Variants in TTC7B observed in about 807,000 individuals in gnomAD.
The protein encoded by TTC7B is tetratricopeptide repeat domain 7B, also known as tetratricopeptide repeat protein 7B.
In TTC7B, 28 loss-of-function variants were observed where a neutral mutation model predicts 106.8. The observed-to-expected ratio is 0.26, with a 90% CI of 0.19 to 0.36. The LOEUF is 0.36. Among genes scored for constraint, TTC7B ranks in the 10% least tolerant of loss-of-function variants. TTC7B has a pLI of 1.00. For missense variants in TTC7B, 862 were observed against 1,076.4 expected (o/e 0.80, Z 2.79); for synonymous variants, 405 against 430.6 (o/e 0.94, Z 0.74).
Position 90,737,544 on chromosome 14 carries a change from C to T in TTC7B, c.576+7248G>A, listed in dbSNP as rs910098103. Among the ~76,000 whole-genome samples, 24 of 118,790 alleles carry T rather than the reference C, an allele frequency of 2.0e-4. No homozygotes were observed. In the East Asian group the frequency reaches 3.4e-3, roughly 17 times the overall value. 77.9% of individuals were successfully genotyped at this position (118,790 alleles called of 152,430 possible). A position where few individuals can be genotyped will look rare whatever the true frequency, so the allele number is the denominator to read the frequency against. ...ATAAAAGATCATATATTGTATGATT[C>T]TGTTTTTTTTTTTTTTTTTTTTTTT... On this transcript the variant is annotated intron_variant, in intron 4 of 19. Coordinates refer to ENST00000328459, the MANE Select transcript of TTC7B (RefSeq NM_001010854.2).
intron 19 of TTC7B, among the ~76,000 whole-genome samples, chr14:90,571,006 G>A (rs985149107): frequency 3.3e-5 from 5 of 152,104 alleles, no homozygotes; most frequent in African/African-American, 9.7e-5. Context: ...GTTCCTAAGG[G>A]ACCACACCAA....
intron 7 of TTC7B, among the ~76,000 whole-genome samples, chr14:90,683,443 A>C (rs1887133641): frequency 6.6e-6 from 1 of 152,216 alleles, no homozygotes; most frequent in African/African-American, 2.4e-5. Context: ...ACTGTCTGCA[A>C]ACATGCCAAG....
At chr14:90,635,070 T>C (rs1884873592) in intron 15 of TTC7B, among the ~76,000 whole-genome samples, 1 of 152,206 alleles carries the variant, frequency 6.6e-6, no homozygotes, top group East Asian at 1.9e-4. Context: ...CCTTTTGTCA[T>C]TGAGGAGTCA....
chr14:90,662,144 C>T (rs900912647), intron 9 of TTC7B, among the ~76,000 whole-genome samples: 3 of 152,166 alleles, frequency 2.0e-5, no homozygotes, highest in South Asian at 2.1e-4. Flanking sequence ...GCAGGGGGGA[C>T]GAGCAGGCAC....
intron 8 of TTC7B, among the ~76,000 whole-genome samples, chr14:90,679,825 A>AC (rs1342794335): frequency 6.6e-6 from 1 of 152,226 alleles, no homozygotes; most frequent in African/African-American, 2.4e-5. Flanking sequence ...GGTGAAATAG[A>AC]CCTAAAATTC....
At chr14:90,566,554 T>G (rs1200318529) in intron 19 of TTC7B, among the ~76,000 whole-genome samples, 1 of 151,896 alleles carries the variant, frequency 6.6e-6, no homozygotes, top group Non-Finnish European at 1.5e-5. Context: ...AAAAAAAGAA[T>G]GAAAACACTA....
chr14:90,775,869 C>T (rs763044173), intron 3 of TTC7B, among the ~76,000 whole-genome samples: 6 of 152,020 alleles, frequency 3.9e-5, no homozygotes, highest in Non-Finnish European at 7.4e-5. Context: ...AAGTTAATTC[C>T]CCTGCTGTTT....
chr14:90,571,526 TCTC>T (rs1172869264), intron 19 of TTC7B, among the ~76,000 whole-genome samples: 2 of 152,210 alleles, frequency 1.3e-5, no homozygotes, highest in East Asian at 1.9e-4. Context: ...AAAAAGTTAT[TCTC>T]CTCAATTTGG....
chr14:90,633,669 A>C (rs1052728938), intron 15 of TTC7B, among the ~76,000 whole-genome samples: 2 of 152,198 alleles, frequency 1.3e-5, no homozygotes, highest in Non-Finnish European at 1.5e-5. Flanking sequence ...ATGTACTCCA[A>C]ATATCACCTG....
chr14:90,573,801 C>T (rs1452788829), intron 19 of TTC7B, among the ~76,000 whole-genome samples: 1 of 152,250 alleles, frequency 6.6e-6, no homozygotes, highest in Admixed American at 6.5e-5. Flanking sequence ...GTCAAAGGGA[C>T]TGGAGGCGGA....
chr14:90,621,592 A>G (rs1884190691), intron 15 of TTC7B, among the ~76,000 whole-genome samples: 1 of 151,992 alleles, frequency 6.6e-6, no homozygotes, highest in Non-Finnish European at 1.5e-5. Flanking sequence ...CCGGAATGAT[A>G]GGCAGAAGCC....
intron 10 of TTC7B, chr14:90,658,052 C>A: frequency 2.0e-6 from 1 of 503,410 alleles, no homozygotes; most frequent in Admixed American, 3.3e-5. Flanking sequence ...TAAGCCATGT[C>A]CATGACACCT....
chr14:90,786,120 T>G (rs1337246603), intron 2 of TTC7B, 54 bp downstream of exon 2: 3 of 1,471,260 alleles, frequency 2.0e-6, no homozygotes, highest in Non-Finnish European at 2.7e-6. Flanking sequence ...GGCACCCTTC[T>G]CAACCCCACA....
chr14:90,652,787 T>A, intron 13 of TTC7B, 54 bp downstream of exon 13: 1 of 1,575,462 alleles, frequency 6.3e-7, no homozygotes, highest in East Asian at 2.2e-5. Flanking sequence ...TTTATACTCA[T>A]CATACTTTGG....
At chr14:90,727,627 G>A (rs1889160050) in intron 5 of TTC7B, among the ~76,000 whole-genome samples, 1 of 152,232 alleles carries the variant, frequency 6.6e-6, no homozygotes, top group East Asian at 1.9e-4. Flanking sequence ...AGATGGGAGA[G>A]TTCTAGAAGA....
chr14:90,560,815 C>T (rs776694147), intron 19 of TTC7B, among the ~76,000 whole-genome samples: 3 of 152,154 alleles, frequency 2.0e-5, no homozygotes, highest in South Asian at 2.1e-4. Context: ...GGGCTGCTGG[C>T]GGCAAGGAAG....
chr14:90,654,980 G>A lies in TTC7B; in HGVS notation c.1459+13C>T. ...CTGCAGCTCAGCAGCTGTGGGGGTG[G>A]GACGTCTCTCACCGTCAGTGGCCTG... On this transcript the variant is annotated intron_variant, in intron 12 of 19. Transcript: ENST00000328459. The A allele has an allele frequency of 6.3e-7, 1 of 1,589,648 alleles. No individual in the cohort carries two copies. The highest frequency in any genetic ancestry group is 1.1e-5 in the South Asian group (1 of 90,582).
intron 19 of TTC7B, among the ~76,000 whole-genome samples, chr14:90,554,573 G>A (rs1890221708): frequency 6.6e-6 from 1 of 152,208 alleles, no homozygotes; most frequent in Non-Finnish European, 1.5e-5. Context: ...CAGTGGCACA[G>A]GCTGTCACTC....
chr14:90,631,377 C>T (rs1426129801), intron 15 of TTC7B, among the ~76,000 whole-genome samples: 2 of 151,576 alleles, frequency 1.3e-5, no homozygotes, highest in Non-Finnish European at 2.9e-5. Flanking sequence ...TTTGAGGAAC[C>T]ACCATACTGT....
Sources: allele counts gnomAD v4.1 joint callset (sites outside exome capture counted in the v4.1 genomes callset), GRCh38; gene constraint gnomAD v4.1.1; transcripts MANE v1.5; gene names NCBI Gene and HGNC (gene_info 2026-07-23, HGNC 2026-07-21).